The following DPYD variants were observed in gnomAD, a reference collection of about 807,000 sequenced individuals.
DPYD encodes dihydropyrimidine dehydrogenase [NADP(+)].
A neutral mutation model predicts 116.2 loss-of-function variants in DPYD; 109 were observed. That is an observed-to-expected ratio of 0.94 (90% CI 0.80 to 1.10). The LOEUF (loss-of-function observed/expected upper bound fraction) is 1.10. DPYD is among the 50% of genes least tolerant of loss of function. The pLI is 0.00. For synonymous variants in DPYD, 440 were observed against 432.0 expected, an observed-to-expected ratio of 1.02 and a Z score of -0.23; for missense variants, 1,302 against 1,254.5, an observed-to-expected ratio of 1.04 and a Z score of -0.57.
At position 97,334,678 on chromosome 1, in the gene DPYD, T is replaced by C. The variant is rs961711431; in HGVS notation, c.2059-28381A>G. On this transcript the variant is annotated intron_variant, in intron 16 of 22. Transcript: ENST00000370192. Reference sequence around the variant, plus strand: ...CTAAGCCTCTGCTTTCCTGGCTCTGTTGAATAGCAGCTGTATGACTGGTGC... The same window carrying C: ...CTAAGCCTCTGCTTTCCTGGCTCTGCTGAATAGCAGCTGTATGACTGGTGC... Among the ~76,000 whole-genome samples the C allele has an allele frequency of 3.9e-5, 6 of 152,306 alleles. No homozygotes were observed. The Middle Eastern group carries it at 0.017, about 432-fold the overall frequency.
chr1:97,464,404 A>C (rs1163942005), intron 13 of DPYD, among the ~76,000 whole-genome samples: 1 of 152,162 alleles, frequency 6.6e-6, no homozygotes, highest in Non-Finnish European at 1.5e-5. Context: ...GCTAATCCCA[A>C]AGACAACTGA....
chr1:97,598,827 T>A (rs964773098), intron 8 of DPYD, among the ~76,000 whole-genome samples: 1 of 152,042 alleles, frequency 6.6e-6, no homozygotes, highest in African/African-American at 2.4e-5. Context: ...TTGAGGCATA[T>A]AGGGATTAAG....
chr1:97,549,157 C>G (rs1651127896), intron 12 of DPYD, among the ~76,000 whole-genome samples: 1 of 151,916 alleles, frequency 6.6e-6, no homozygotes, highest in Admixed American at 6.6e-5. Flanking sequence ...GCCTTGACCT[C>G]CTCAGCTCAA....
At chr1:97,216,057 G>T (rs1479857155) in intron 19 of DPYD, among the ~76,000 whole-genome samples, 1 of 152,078 alleles carries the variant, frequency 6.6e-6, no homozygotes, top group African/African-American at 2.4e-5. Flanking sequence ...GCTTTTTTGT[G>T]TGTGCTTTTA....
chr1:97,792,398 G>A (rs1667366290), intron 3 of DPYD, among the ~76,000 whole-genome samples: 1 of 151,714 alleles, frequency 6.6e-6, no homozygotes, highest in Non-Finnish European at 1.5e-5. Flanking sequence ...CTTCCAGGCA[G>A]CCAACACACC....
At position 97,412,169 on chromosome 1, in the gene DPYD, T is replaced by A. The variant is rs1674038823; in HGVS notation, c.1906-29708A>T. On this transcript the variant is annotated intron_variant, in intron 14 of 22. Coordinates refer to ENST00000370192, the MANE Select transcript of DPYD (RefSeq NM_000110.4). ...TCAAGTGCTGAACTAAAGTCACATT[T>A]AACTATAATCAATGCATTTGCAGTT... 2.0e-5 allele frequency among the ~76,000 whole-genome samples: 3 copies of A among 152,174 alleles called. No homozygotes were observed. In the South Asian group the frequency reaches 6.2e-4, roughly 31 times the overall value.
chr1:97,443,817 A>T (rs1455660209), intron 14 of DPYD, among the ~76,000 whole-genome samples: 2 of 152,246 alleles, frequency 1.3e-5, no homozygotes, highest in African/African-American at 4.8e-5. Context: ...TTAATTATAA[A>T]AACTTCAAAG....
intron 12 of DPYD, among the ~76,000 whole-genome samples, chr1:97,527,203 C>A (rs1308065988): frequency 6.6e-6 from 1 of 151,870 alleles, no homozygotes; most frequent in African/African-American, 2.4e-5. Context: ...CTCAGCCTCT[C>A]GAGTAGCTGG....
intron 14 of DPYD, among the ~76,000 whole-genome samples, chr1:97,428,986 C>A (rs997037766): frequency 6.6e-6 from 1 of 151,766 alleles, no homozygotes; most frequent in Non-Finnish European, 1.5e-5. Context: ...CAAATAAAAT[C>A]AAAATATCAG....
chr1:97,198,091 C>A (rs1296396384), intron 19 of DPYD, among the ~76,000 whole-genome samples: 1 of 152,092 alleles, frequency 6.6e-6, no homozygotes, highest in African/African-American at 2.4e-5. Flanking sequence ...TTTTGTTGCA[C>A]ATACAAATCA....
rs1482084511 is a variant in DPYD at position 97,915,947 on chromosome 1, T to C, written c.39+4937A>G. On this transcript the variant is annotated intron_variant, in intron 1 of 22. Transcript: ENST00000370192. ...GTCTTCTAGTTTTAGTGTTCCAAAC[T>C]ATTACTTACATTTACGCTAATTATT... is the stretch of plus-strand genomic sequence containing the variant. Among the ~76,000 whole-genome samples the C allele has an allele frequency of 2.0e-5, 3 of 152,212 alleles. 1 individual carries two copies. The highest frequency in any genetic ancestry group is 1.5e-5 in the Non-Finnish European group (1 of 68,026).
At chr1:97,520,227 A>G (rs1648546865) in intron 12 of DPYD, among the ~76,000 whole-genome samples, 1 of 152,170 alleles carries the variant, frequency 6.6e-6, no homozygotes, top group Non-Finnish European at 1.5e-5. Flanking sequence ...ATTTATATGC[A>G]AAAAAATACA....
At chr1:97,186,483 CATTA>C (rs1658001449) in intron 20 of DPYD, among the ~76,000 whole-genome samples, 1 of 152,170 alleles carries the variant, frequency 6.6e-6, no homozygotes, top group Non-Finnish European at 1.5e-5. Flanking sequence ...CATGTGTACA[CATTA>C]ATTAACTTCC....
At chr1:97,880,958 C>A (rs1399715225) in intron 2 of DPYD, among the ~76,000 whole-genome samples, 1 of 152,008 alleles carries the variant, frequency 6.6e-6, no homozygotes, top group Admixed American at 6.6e-5. Flanking sequence ...ATTTCCCCTA[C>A]ATTTGTCTCC....
chr1:97,247,788 A>C (rs1662821242), intron 18 of DPYD, among the ~76,000 whole-genome samples: 1 of 152,228 alleles, frequency 6.6e-6, no homozygotes, highest in Non-Finnish European at 1.5e-5. Context: ...AAACACAACT[A>C]ACCAAAATTG....
At chr1:97,334,898 G>A (rs1669205608) in intron 16 of DPYD, among the ~76,000 whole-genome samples, 1 of 152,166 alleles carries the variant, frequency 6.6e-6, no homozygotes, top group African/African-American at 2.4e-5. Flanking sequence ...AATGAACAAA[G>A]GTGCTGTAGG....
intron 6 of DPYD, among the ~76,000 whole-genome samples, chr1:97,696,932 T>C (rs1237476926): frequency 2.0e-5 from 3 of 151,990 alleles, no homozygotes; most frequent in East Asian, 1.9e-4. Flanking sequence ...GAAAACAATA[T>C]AAAATTTGAA....
chr1:97,676,700 A>C (rs1397148106), intron 8 of DPYD, among the ~76,000 whole-genome samples: 1 of 152,314 alleles, frequency 6.6e-6, no homozygotes, highest in East Asian at 1.9e-4. Context: ...TGGCTGTCCA[A>C]GTAACCGCCA....
intron 12 of DPYD, among the ~76,000 whole-genome samples, chr1:97,538,854 T>C (rs1392741290): frequency 6.6e-6 from 1 of 152,166 alleles, no homozygotes; most frequent in African/African-American, 2.4e-5. Context: ...TATTCTAAAA[T>C]AATTCTGCCT....
Sources: gnomAD v4.1 joint callset for allele counts (sites outside exome capture counted in the v4.1 genomes callset) on GRCh38, gnomAD v4.1.1 for gene constraint, MANE v1.5 for transcripts, NCBI Gene and HGNC (gene_info 2026-07-23, HGNC 2026-07-21) for gene names.